Variants in KRT8 observed in about 807,000 individuals in gnomAD.
The protein encoded by KRT8 is keratin 8, also known as keratin, type II cytoskeletal 8.
KRT8 carries 24 observed loss-of-function variants against 43.0 expected under a neutral mutation model. That is an observed-to-expected ratio of 0.56 (90% CI 0.40 to 0.78). KRT8 has a LOEUF of 0.78. Among genes scored for constraint, KRT8 ranks in the 30% least tolerant of loss-of-function variants. KRT8 has a pLI of 0.00. For synonymous variants in KRT8, 214 were observed against 261.2 expected (o/e 0.82, Z 1.74); for missense variants, 492 against 638.4 (o/e 0.77, Z 2.47).
At chr12:52,934,580 G>A (rs1219210400) in intron 2 of KRT8, among the ~76,000 whole-genome samples, 1 of 151,928 alleles carries the variant, frequency 6.6e-6, no homozygotes, top group East Asian at 1.9e-4. Context: ...TAAACCAAAA[G>A]AAAAATGAAA....
At chr12:52,934,304 T>C (rs556765644) in intron 2 of KRT8, among the ~76,000 whole-genome samples, 37 of 152,202 alleles carry the variant, frequency 2.4e-4, no homozygotes, top group African/African-American at 8.7e-4. Context: ...TTTACGCCTC[T>C]AATCCCAGCA....
chr12:52,942,890 C>T (rs1386311143), intron 2 of KRT8, among the ~76,000 whole-genome samples: 2 of 152,026 alleles, frequency 1.3e-5, no homozygotes, highest in African/African-American at 2.4e-5. Flanking sequence ...CTCTGCCACA[C>T]GCTTCTGATT....
intron 2 of KRT8, among the ~76,000 whole-genome samples, chr12:52,938,673 A>C (rs886531863): frequency 6.6e-6 from 1 of 151,248 alleles, no homozygotes; most frequent in African/African-American, 2.4e-5. Flanking sequence ...GCTGGAGTGC[A>C]GTGGTGCGAT....
At chr12:52,949,334 T>C (rs1429253751) in intron 2 of KRT8, 2 of 1,608,218 alleles carry the variant, frequency 1.2e-6, no homozygotes, top group Non-Finnish European at 1.7e-6. Context: ...TCCACCAGCT[T>C]CAGGGGCGGC....
intron 2 of KRT8, among the ~76,000 whole-genome samples, chr12:52,914,733 G>A (rs983242901): frequency 2.6e-4 from 40 of 152,202 alleles, no homozygotes; most frequent in African/African-American, 8.9e-4. Flanking sequence ...AAGTTCAAGG[G>A]TGCATTTGGC....
intron 2 of KRT8, among the ~76,000 whole-genome samples, chr12:52,942,479 C>G (rs1292761960): frequency 6.6e-6 from 1 of 152,222 alleles, no homozygotes. Context: ...ACCAGCTGCT[C>G]TGACCCCAGA....
intron 2 of KRT8, among the ~76,000 whole-genome samples, chr12:52,936,561 G>A (rs1942172859): frequency 6.6e-6 from 1 of 152,080 alleles, no homozygotes; most frequent in Non-Finnish European, 1.5e-5. Context: ...TGCCCAGGCT[G>A]GAGTGCAATG....
intron 2 of KRT8, among the ~76,000 whole-genome samples, chr12:52,945,517 G>A (rs1029653990): frequency 2.0e-5 from 3 of 152,152 alleles, no homozygotes; most frequent in Admixed American, 2.0e-4. Context: ...AGGACTGCAG[G>A]CCTTCCAATC....
chr12:52,909,549 G>A (rs944692095), upstream of KRT8, among the ~76,000 whole-genome samples: 1 of 152,120 alleles, frequency 6.6e-6, no homozygotes, highest in Non-Finnish European at 1.5e-5. Context: ...TTTTGCTCTT[G>A]ATCAGTGATG....
chr12:52,918,221 A>AAGAAGATGAAGT (rs1941811557), intron 2 of KRT8, among the ~76,000 whole-genome samples: 1 of 135,694 alleles, frequency 7.4e-6, no homozygotes, highest in Admixed American at 7.3e-5. Flanking sequence ...GAAGAAGAAG[A>AAGAAGATGAAGT]AGAAGAAGAA....
At chr12:52,900,559 C>G in intron 4 of KRT8, 29 bp downstream of exon 4, 1 of 1,451,316 alleles carries the variant, frequency 6.9e-7, no homozygotes, top group African/African-American at 1.4e-5. Context: ...GGCTGGGGGA[C>G]CCTCACTCTC....
At chr12:52,934,610 C>T (rs1431960034) in intron 2 of KRT8, among the ~76,000 whole-genome samples, 1 of 151,924 alleles carries the variant, frequency 6.6e-6, no homozygotes, top group Non-Finnish European at 1.5e-5. Context: ...TTGGAGAACT[C>T]CCATTATCTG....
At chr12:52,929,103 T>C (rs1332568802) in intron 2 of KRT8, among the ~76,000 whole-genome samples, 2 of 152,018 alleles carry the variant, frequency 1.3e-5, no homozygotes, top group Non-Finnish European at 2.9e-5. Flanking sequence ...CTAGCCAAAT[T>C]TGATGGACTC....
At chr12:52,913,199 G>T (rs1044637162) in intron 2 of KRT8, among the ~76,000 whole-genome samples, 3 of 152,144 alleles carry the variant, frequency 2.0e-5, no homozygotes, top group Admixed American at 2.0e-4. Flanking sequence ...AAAGTGAGCC[G>T]CCCCAAGGCC....
At chr12:52,897,540 G>C (rs386834223) in exon 8 of KRT8, 1 of 1,564,056 alleles carries the variant, frequency 6.4e-7, no homozygotes, top group East Asian at 2.2e-5. Context: ...GCTGGAGCCC[G>C]CGCCAGAGCC....
intron 5 of KRT8, among the ~76,000 whole-genome samples, chr12:52,899,456 T>C (rs2120548751): frequency 6.6e-6 from 1 of 152,258 alleles, no homozygotes; most frequent in South Asian, 2.1e-4. Flanking sequence ...CCCTGGGTTC[T>C]AGACTTTCCT....
upstream of KRT8, among the ~76,000 whole-genome samples, chr12:52,907,256 CAGGGCTGAG>C (rs371751324): frequency 2.0e-5 from 3 of 152,296 alleles, no homozygotes; most frequent in African/African-American, 7.2e-5. Flanking sequence ...CCGCACCCAC[CAGGGCTGAG>C]AAGCTTTTAA....
chr12:52,914,017 G>A (rs1347445294), intron 2 of KRT8, among the ~76,000 whole-genome samples: 1 of 152,208 alleles, frequency 6.6e-6, no homozygotes, highest in Non-Finnish European at 1.5e-5. Context: ...GAAGTCAGGA[G>A]ATCAAGACCA....
chr12:52,897,750 T>G, intron 7 of KRT8, 132 bp from the exon 8 acceptor site: 2 of 1,228,988 alleles, frequency 1.6e-6, no homozygotes, highest in Non-Finnish European at 2.3e-6. Flanking sequence ...TGATCAGTGA[T>G]TGCATGGTTC....
Sources: allele counts gnomAD v4.1 joint callset (sites outside exome capture counted in the v4.1 genomes callset), GRCh38; gene constraint gnomAD v4.1.1; transcripts MANE v1.5; gene names NCBI Gene and HGNC (gene_info 2026-07-23, HGNC 2026-07-21).